Variants in GTF2I observed in about 807,000 individuals in gnomAD.
GTF2I encodes general transcription factor IIi, also known as general transcription factor II-I.
A neutral mutation model predicts 67.6 loss-of-function variants in GTF2I; 12 were observed. That is an observed-to-expected ratio of 0.18 (90% confidence interval 0.11 to 0.29). The LOEUF is 0.29. Among genes scored for constraint, GTF2I ranks in the 10% least tolerant of loss-of-function variants. The pLI, the probability that GTF2I is intolerant of heterozygous loss-of-function variation, is 1.00. For missense variants in GTF2I, 271 were observed against 580.1 expected (o/e 0.47, Z 5.47); for synonymous variants, 149 against 197.0 (o/e 0.76, Z 2.04).
At chr7:74,667,229 G>C (rs1031658286) in intron 1 of GTF2I, among the ~76,000 whole-genome samples, 2 of 152,144 alleles carry the variant, frequency 1.3e-5, no homozygotes, top group African/African-American at 2.4e-5. Context: ...TGTAATGCCA[G>C]CTGCTTGAGT....
intron 6 of GTF2I, among the ~76,000 whole-genome samples, chr7:74,701,482 A>AT (rs1370681904): frequency 4.8e-4 from 72 of 150,740 alleles, no homozygotes; most frequent in African/African-American, 1.7e-3. Context: ...TTTTATTATT[A>AT]TTTTTTGAGA....
chr7:74,700,480 T>A (rs782245383), intron 5 of GTF2I, 50 bp downstream of exon 5: 6 of 1,605,666 alleles, frequency 3.7e-6, no homozygotes, highest in Non-Finnish European at 4.3e-6. Flanking sequence ...TCGTATAAAT[T>A]TGAATATTTA....
At chr7:74,718,820 G>T in intron 11 of GTF2I, 59 bp from the exon 12 acceptor site, 1 of 827,758 alleles carries the variant, frequency 1.2e-6, no homozygotes, top group Non-Finnish European at 1.9e-6. Flanking sequence ...GTAAAATGTT[G>T]GAACATATGG....
intron 1 of GTF2I, 21 bp downstream of exon 1, chr7:74,658,089 C>G (rs1804077792): frequency 6.6e-6 from 1 of 151,734 alleles, no homozygotes; most frequent in South Asian, 2.1e-4. Context: ...CTCGCCTCAT[C>G]CCCGCGCCCC....
chr7:74,718,777 T>G, intron 11 of GTF2I, 102 bp from the exon 12 acceptor site: 1 of 596,698 alleles, frequency 1.7e-6, no homozygotes, highest in African/African-American at 2.0e-5. Context: ...CCAGTGGATT[T>G]TTATAGTAGG....
chr7:74,674,979 A>G (rs1056594980), intron 1 of GTF2I, among the ~76,000 whole-genome samples: 1 of 151,652 alleles, frequency 6.6e-6, no homozygotes, highest in African/African-American at 2.4e-5. Flanking sequence ...CAGTCTCCCA[A>G]GTAGCTGGGA....
intron 3 of GTF2I, among the ~76,000 whole-genome samples, chr7:74,695,491 A>G (rs1404280095): frequency 6.6e-6 from 1 of 152,224 alleles, no homozygotes; most frequent in Non-Finnish European, 1.5e-5. Flanking sequence ...AGATGCTTGT[A>G]TGCCACTAAG....
chr7:74,666,581 G>A (rs1316431851), intron 1 of GTF2I, among the ~76,000 whole-genome samples: 1 of 151,808 alleles, frequency 6.6e-6, no homozygotes, highest in Non-Finnish European at 1.5e-5. Context: ...GCTCACTCCT[G>A]TACTCCCAGC....
rs140970803 is a variant in GTF2I at position 74,691,298 on chromosome 7, G to A, written c.238+187G>A. 1.5e-3 allele frequency among the ~76,000 whole-genome samples: 220 copies of A among 151,098 alleles called. 1 individual carries two copies. The highest frequency in any genetic ancestry group is 5.1e-3 in the African/African-American group (212 of 41,204). ...CTTGGCTCACCACAACCCCCGCTGCGTGAGTTCAAGTGATTCTCCTGCCTC... is the reference window on the plus strand; with the variant it reads ...CTTGGCTCACCACAACCCCCGCTGCATGAGTTCAAGTGATTCTCCTGCCTC... On this transcript the variant is annotated intron_variant, in intron 3 of 34. Coordinates refer to ENST00000573035, the MANE Select transcript of GTF2I (RefSeq NM_032999.4).
At chr7:74,660,563 C>T (rs1554386066) in intron 1 of GTF2I, among the ~76,000 whole-genome samples, 4 of 151,924 alleles carry the variant, frequency 2.6e-5, no homozygotes, top group Admixed American at 2.0e-4. Context: ...GTGTGCCCTT[C>T]CTCGCAGGGC....
chr7:74,689,358 T>TC, intron 2 of GTF2I, 131 bp downstream of exon 2: 1 of 501,670 alleles, frequency 2.0e-6, no homozygotes, highest in Admixed American at 3.8e-5. Flanking sequence ...CTTTTTTTTT[T>TC]TTTTTTTTTT....
At chr7:74,676,125 A>G (rs1805885768) in intron 1 of GTF2I, among the ~76,000 whole-genome samples, 1 of 152,118 alleles carries the variant, frequency 6.6e-6, no homozygotes, top group African/African-American at 2.4e-5. Flanking sequence ...ATCTTGGGCA[A>G]TTTACATTGT....
At chr7:74,693,955 T>G (rs1788626455) in intron 3 of GTF2I, among the ~76,000 whole-genome samples, 1 of 152,154 alleles carries the variant, frequency 6.6e-6, no homozygotes, top group South Asian at 2.1e-4. Context: ...GCAGAAATGA[T>G]GAAGCTTAGT....
At chr7:74,696,452 T>C (rs1788916187) in intron 3 of GTF2I, among the ~76,000 whole-genome samples, 1 of 151,738 alleles carries the variant, frequency 6.6e-6, no homozygotes, top group African/African-American at 2.4e-5. Context: ...TCAGCCTTTC[T>C]AGTAGCTGGG....
At chr7:74,658,405 C>A (rs1175309870) in intron 1 of GTF2I, among the ~76,000 whole-genome samples, 1 of 144,616 alleles carries the variant, frequency 6.9e-6, no homozygotes, top group East Asian at 2.1e-4. Flanking sequence ...CGCCGACCGG[C>A]GTGCGGTGGG....
At chr7:74,676,644 C>T (rs1239656526) in intron 1 of GTF2I, among the ~76,000 whole-genome samples, 1 of 152,036 alleles carries the variant, frequency 6.6e-6, no homozygotes. Context: ...ACAATCTGAA[C>T]TGATTATATT....
At chr7:74,662,638 T>C (rs1326977523) in intron 1 of GTF2I, among the ~76,000 whole-genome samples, 2 of 148,924 alleles carry the variant, frequency 1.3e-5, no homozygotes, top group Non-Finnish European at 3.0e-5. Context: ...TTCTCCTGAC[T>C]GAGCCTCCTG....
rs149288916 is a variant in GTF2I, at chr7:74,675,791, C to T, written c.-5-13333C>T. Among the ~76,000 whole-genome samples, 1,268 of 152,166 alleles carry T rather than the reference C, an allele frequency of 8.3e-3. 22 individuals are homozygous for T. The highest frequency in any genetic ancestry group is 0.027 in the African/African-American group (1,135 of 41,510). On this transcript the variant is annotated intron_variant, in intron 1 of 34. Transcript: ENST00000573035. ...TTGGGAGGCCGAGGTGGGCAGATCA[C>T]TAGAGGTCAGGAGTTGGAGACCAGC...
At chr7:74,715,854 T>A (rs1792196503) in intron 10 of GTF2I, among the ~76,000 whole-genome samples, 1 of 152,130 alleles carries the variant, frequency 6.6e-6, no homozygotes, top group Non-Finnish European at 1.5e-5. Flanking sequence ...AGATGTGACC[T>A]CAGTATGGGA....
Sources: allele counts gnomAD v4.1 joint callset (sites outside exome capture counted in the v4.1 genomes callset), GRCh38; gene constraint gnomAD v4.1.1; transcripts MANE v1.5; gene names NCBI Gene and HGNC (gene_info 2026-07-23, HGNC 2026-07-21).